Variants in RPS6KC1 observed in about 807,000 individuals in gnomAD.
The protein encoded by RPS6KC1 is inactive ribosomal protein S6 kinase delta-1.
Under a neutral mutation model 103.8 loss-of-function variants are expected in RPS6KC1, and 54 were observed. That is an observed-to-expected ratio of 0.52 (90% CI 0.42 to 0.65). The LOEUF is 0.65. RPS6KC1 is among the 30% of genes least tolerant of loss of function. The pLI is 0.00. For synonymous variants in RPS6KC1, 439 were observed against 438.7 expected (o/e 1.00, Z -0.01); for missense variants, 1,151 against 1,253.8 (o/e 0.92, Z 1.24).
At chr1:213,307,717 ATCT>A in the RPS6KC1 span, among the ~76,000 whole-genome samples, 1 of 152,178 alleles carries the variant, frequency 6.6e-6, no homozygotes, top group African/African-American at 2.4e-5. Flanking sequence ...CCCAAGGGGC[ATCT>A]TCTCAGCCTG....
the RPS6KC1 span, among the ~76,000 whole-genome samples, chr1:213,342,802 T>C: frequency 2.0e-5 from 3 of 152,120 alleles, no homozygotes; most frequent in African/African-American, 7.2e-5. Flanking sequence ...AACTAAAAGA[T>C]AGAGATGATC....
At chr1:213,174,396 G>A (rs1474618190) in intron 7 of RPS6KC1, among the ~76,000 whole-genome samples, 1 of 152,180 alleles carries the variant, frequency 6.6e-6, no homozygotes, top group African/African-American at 2.4e-5. Context: ...CTGGCCGGGT[G>A]TGCTGGCTTA....
chr1:213,600,339 C>T, the RPS6KC1 span, among the ~76,000 whole-genome samples: 7 of 152,208 alleles, frequency 4.6e-5, no homozygotes, highest in African/African-American at 1.4e-4. Flanking sequence ...ACAGTCCACA[C>T]ACCACAGAGC....
chr1:213,686,728 C>T, the RPS6KC1 span, among the ~76,000 whole-genome samples: 4 of 152,000 alleles, frequency 2.6e-5, no homozygotes, highest in Non-Finnish European at 4.4e-5. Flanking sequence ...AGAAAGAATT[C>T]GGGGCAAGTT....
chr1:213,806,875 T>C, the RPS6KC1 span, among the ~76,000 whole-genome samples: 20 of 151,724 alleles, frequency 1.3e-4, no homozygotes, highest in Admixed American at 4.6e-4. Flanking sequence ...TTCCTAGTCT[T>C]GATGGTCTTT....
chr1:213,166,218 G>A (rs1346381163), intron 6 of RPS6KC1, among the ~76,000 whole-genome samples: 1 of 151,708 alleles, frequency 6.6e-6, no homozygotes, highest in Non-Finnish European at 1.5e-5. Context: ...TTATATTTGA[G>A]CCTAAGGTGA....
the RPS6KC1 span, among the ~76,000 whole-genome samples, chr1:213,303,931 C>T: frequency 2.0e-5 from 3 of 152,034 alleles, no homozygotes; most frequent in African/African-American, 2.4e-5. Context: ...TGAGGCCGGG[C>T]GCGGTGGCTC....
At chr1:213,717,212 T>A in the RPS6KC1 span, among the ~76,000 whole-genome samples, 3 of 152,142 alleles carry the variant, frequency 2.0e-5, no homozygotes, top group Admixed American at 6.5e-5. Context: ...TACAGTCCAG[T>A]GGTGATTGAT....
At chr1:213,365,349 G>A in the RPS6KC1 span, among the ~76,000 whole-genome samples, 1 of 152,126 alleles carries the variant, frequency 6.6e-6, no homozygotes, top group African/African-American at 2.4e-5. Flanking sequence ...CTTTCTTTGG[G>A]CTGAAAGGTA....
At chr1:213,809,797 G>A in the RPS6KC1 span, among the ~76,000 whole-genome samples, 1 of 152,162 alleles carries the variant, frequency 6.6e-6, no homozygotes, top group Non-Finnish European at 1.5e-5. Flanking sequence ...TAAATAGACA[G>A]CATAAACAAG....
chr1:213,338,225 CCTTTT>C, the RPS6KC1 span, among the ~76,000 whole-genome samples: 1 of 152,168 alleles, frequency 6.6e-6, no homozygotes, highest in Admixed American at 6.5e-5. Flanking sequence ...CCTCCAAGGG[CCTTTT>C]CAGCATGAAC....
chr1:213,724,372 G>T, the RPS6KC1 span, among the ~76,000 whole-genome samples: 1 of 152,148 alleles, frequency 6.6e-6, no homozygotes, highest in Non-Finnish European at 1.5e-5. Context: ...GAGCCACTGC[G>T]CCCAGCCTTT....
intron 6 of RPS6KC1, among the ~76,000 whole-genome samples, chr1:213,148,698 C>T (rs577957163): frequency 2.6e-4 from 40 of 152,106 alleles, no homozygotes; most frequent in African/African-American, 4.3e-4. Flanking sequence ...CCTCATAGAA[C>T]GAGTTTATAA....
At chr1:213,308,514 A>G in the RPS6KC1 span, among the ~76,000 whole-genome samples, 3 of 152,200 alleles carry the variant, frequency 2.0e-5, no homozygotes, top group African/African-American at 7.2e-5. Context: ...TACAATTATT[A>G]TAATATATAC....
intron 1 of RPS6KC1, among the ~76,000 whole-genome samples, chr1:213,063,665 A>G (rs1206556729): frequency 2.0e-5 from 3 of 152,230 alleles, no homozygotes; most frequent in Non-Finnish European, 4.4e-5. Context: ...ACATAAAAAT[A>G]AAAAATTGAG....
At chr1:213,624,073 G>C in the RPS6KC1 span, among the ~76,000 whole-genome samples, 1 of 152,150 alleles carries the variant, frequency 6.6e-6, no homozygotes, top group Non-Finnish European at 1.5e-5. Context: ...AGTGGTCAGA[G>C]GTAGAACAAA....
the RPS6KC1 span, among the ~76,000 whole-genome samples, chr1:213,689,461 C>T: frequency 6.6e-6 from 1 of 152,168 alleles, no homozygotes; most frequent in African/African-American, 2.4e-5. Flanking sequence ...AGCAATACTC[C>T]CAGTATTGCT....
chr1:213,169,346 A>G (rs1359226918), intron 7 of RPS6KC1, among the ~76,000 whole-genome samples: 1 of 152,208 alleles, frequency 6.6e-6, no homozygotes, highest in East Asian at 1.9e-4. Context: ...ATTGTGTTTC[A>G]ACTTGCAAGC....
intron 8 of RPS6KC1, among the ~76,000 whole-genome samples, chr1:213,211,502 T>C (rs915514053): frequency 6.6e-6 from 1 of 152,216 alleles, no homozygotes; most frequent in Non-Finnish European, 1.5e-5. Flanking sequence ...TTTTATATTC[T>C]GCCTTCTGCT....
Sources: allele counts gnomAD v4.1 joint callset (sites outside exome capture counted in the v4.1 genomes callset), GRCh38; gene constraint gnomAD v4.1.1; transcripts MANE v1.5; gene names NCBI Gene and HGNC (gene_info 2026-07-23, HGNC 2026-07-21).